The following UHRF1 variants were observed in gnomAD, a reference collection of about 807,000 sequenced individuals.
UHRF1 encodes E3 ubiquitin-protein ligase UHRF1.
In UHRF1, 9 loss-of-function variants were observed where a neutral mutation model predicts 96.5. That is an observed-to-expected ratio of 0.09 (90% CI 0.06 to 0.16). The LOEUF (loss-of-function observed/expected upper bound fraction) is 0.16, where lower values mean the gene tolerates loss of function less well. Among genes scored for constraint, UHRF1 ranks in the 10% least tolerant of loss-of-function variants. The pLI is 1.00. For synonymous variants in UHRF1, 455 were observed against 469.9 expected (o/e 0.97, Z 0.41); for missense variants, 626 against 1,131.1 (o/e 0.55, Z 6.40).
chr19:4,941,504 T>C, intron 5 of UHRF1, 24 bp from the exon 6 acceptor site: 1 of 1,596,798 alleles, frequency 6.3e-7, no homozygotes, highest in Non-Finnish European at 8.6e-7. Context: ...GGCCAGAATG[T>C]TCCAGCGTCC....
chr19:4,940,383 T>TTTTA (rs2033356250), intron 5 of UHRF1, among the ~76,000 whole-genome samples: 1 of 136,328 alleles, frequency 7.3e-6, no homozygotes, highest in Non-Finnish European at 1.5e-5. Flanking sequence ...TTTTTTTTTT[T>TTTTA]GAGATGGAGT....
Position 4,929,278 on chromosome 19 carries a change from G to A in UHRF1, c.210G>A (p.Gln70=). ...DYEVRLNDTI[Q]LLVRQSLVLP... ...AGGTCCGCCTGAATGACACCATCCAGCTCCTGGTCCGCCAGAGCCTCGTGC... is the reference window on the plus strand; with the variant it reads ...AGGTCCGCCTGAATGACACCATCCAACTCCTGGTCCGCCAGAGCCTCGTGC... Residue 70 remains glutamine, a synonymous_variant, in exon 3 of 17, where the codon CAG becomes CAA. Coordinates refer to ENST00000650932, the MANE Select transcript of UHRF1 (RefSeq NM_001048201.3). 6.2e-7 allele frequency: 1 copy of A among 1,613,926 alleles called. No individual in the cohort carries two copies. The highest frequency in any genetic ancestry group is 8.5e-7 in the Non-Finnish European group (1 of 1,179,890).
At chr19:4,945,986 G>T (rs1234455296) in intron 10 of UHRF1, 21 bp downstream of exon 10, 1 of 1,186,608 alleles carries the variant, frequency 8.4e-7, no homozygotes, top group South Asian at 1.3e-5. Context: ...GTGTGGGAGG[G>T]GTGGGGGAGG....
intron 11 of UHRF1, among the ~76,000 whole-genome samples, chr19:4,947,470 A>C (rs921815100): frequency 4.8e-5 from 7 of 147,038 alleles, no homozygotes; most frequent in African/African-American, 1.8e-4. Context: ...CTTCCCTATA[A>C]AAGGCCAGAT....
chr19:4,908,713 A>G (rs370384563), upstream of UHRF1, among the ~76,000 whole-genome samples: 2 of 152,276 alleles, frequency 1.3e-5, no homozygotes, highest in East Asian at 1.9e-4. Context: ...ATAAGGAATC[A>G]TCTGAAATTA....
intron 5 of UHRF1, among the ~76,000 whole-genome samples, chr19:4,938,151 C>T (rs1176920057): frequency 1.3e-5 from 2 of 151,790 alleles, no homozygotes; most frequent in Non-Finnish European, 2.9e-5. Context: ...AAGATTCCGT[C>T]TCGGTGGGGT....
chr19:4,911,168 G>A, intron 2 of UHRF1, 130 bp downstream of exon 2: 6 of 854,996 alleles, frequency 7.0e-6, no homozygotes, highest in Admixed American at 6.9e-5. Flanking sequence ...CATCTCTCCC[G>A]GAAGGAGAAG....
intron 5 of UHRF1, among the ~76,000 whole-genome samples, chr19:4,936,037 A>G (rs2033205439): frequency 6.6e-6 from 1 of 152,156 alleles, no homozygotes; most frequent in Non-Finnish European, 1.5e-5. Flanking sequence ...TACCTGGCCG[A>G]CCACACCTTG....
upstream of UHRF1, among the ~76,000 whole-genome samples, chr19:4,905,108 C>CTTTTTTTTTTTTTTTTTT (rs61443004): frequency 1.1e-5 from 1 of 95,192 alleles, no homozygotes; most frequent in Non-Finnish European, 2.0e-5. Context: ...CGTAAACTTT[C>CTTTTTTTTTTTTTTTTTT]TTTTTTTTTT....
intron 2 of UHRF1, among the ~76,000 whole-genome samples, chr19:4,926,700 T>G (rs262572): frequency 0.54 from 82,393 of 151,276 alleles, 23,469 homozygotes; most frequent in African/African-American, 0.67. Flanking sequence ...CAAGGTTCGA[T>G]GCTGCAGTGA....
intron 2 of UHRF1, among the ~76,000 whole-genome samples, chr19:4,915,344 T>C (rs922517155): frequency 6.6e-6 from 1 of 152,160 alleles, no homozygotes; most frequent in Non-Finnish European, 1.5e-5. Flanking sequence ...TCACCACTGC[T>C]GTTGTGGCCC....
upstream of UHRF1, chr19:4,909,260 G>A (rs2032148426): frequency 5.7e-6 from 3 of 522,540 alleles, no homozygotes; most frequent in Admixed American, 8.3e-5. Flanking sequence ...ACGTGCGGGG[G>A]GTGACCAGGC....
At chr19:4,950,130 C>T (rs963884459) in intron 11 of UHRF1, among the ~76,000 whole-genome samples, 3 of 150,684 alleles carry the variant, frequency 2.0e-5, no homozygotes, top group African/African-American at 2.5e-5. Context: ...CTTGGCCTCC[C>T]AGAGTACTGG....
At chr19:4,923,058 G>T (rs1253166474) in intron 2 of UHRF1, among the ~76,000 whole-genome samples, 1 of 152,118 alleles carries the variant, frequency 6.6e-6, no homozygotes. Flanking sequence ...GTCAGGGGCT[G>T]CCCATTAGCC....
intron 16 of UHRF1, among the ~76,000 whole-genome samples, chr19:4,958,961 C>CAA (rs750693594): frequency 2.6e-4 from 23 of 89,308 alleles, no homozygotes; most frequent in African/African-American, 3.5e-4. Context: ...GATTCTGTCT[C>CAA]AAAAAAAAAA....
At chr19:4,933,865 C>T (rs895885297) in intron 5 of UHRF1, among the ~76,000 whole-genome samples, 1 of 151,954 alleles carries the variant, frequency 6.6e-6, no homozygotes, top group African/African-American at 2.4e-5. Flanking sequence ...GTAGTTGCAA[C>T]AGAGACTATG....
chr19:4,930,451 CAG>C lies in UHRF1; in HGVS notation c.409-264_409-263del, dbSNP rs542393416. Reference sequence around the variant, plus strand: ...TGACAAATGGGCAGCTCTGGTCTCTCAGGGCCTCCCAGCAGCTGTGGCTGAAG... The same window carrying C: ...TGACAAATGGGCAGCTCTGGTCTCTCGGCCTCCCAGCAGCTGTGGCTGAAG... On this transcript the variant is annotated intron_variant, in intron 3 of 16. Coordinates refer to ENST00000650932, the MANE Select transcript of UHRF1 (RefSeq NM_001048201.3). The surrounding 1 kb of genome is among the most constrained non-coding windows in gnomAD (Gnocchi z 4.4). Among the ~76,000 whole-genome samples the C allele has an allele frequency of 7.2e-5, 11 of 152,248 alleles. No homozygotes were observed. The highest frequency in any genetic ancestry group is 1.3e-4 in the Non-Finnish European group (9 of 68,036).
intron 2 of UHRF1, among the ~76,000 whole-genome samples, chr19:4,920,347 G>A (rs113390369): frequency 0.034 from 5,223 of 152,114 alleles, 88 homozygotes; most frequent in Middle Eastern, 0.12. Context: ...CAGGAGAATC[G>A]CTTGAACCCG....
chr19:4,937,045 T>TG (rs930164478), intron 5 of UHRF1, among the ~76,000 whole-genome samples: 11 of 152,060 alleles, frequency 7.2e-5, no homozygotes, highest in Non-Finnish European at 2.9e-5. Flanking sequence ...AATTTTTTTT[T>TG]TTGTTGGAGA....
Sources: gnomAD v4.1 joint callset for allele counts (sites outside exome capture counted in the v4.1 genomes callset) on GRCh38, gnomAD v4.1.1 for gene constraint, Gnocchi (gnomAD v3.1) non-coding constraint, MANE v1.5 for transcripts, NCBI Gene and HGNC (gene_info 2026-07-23, HGNC 2026-07-21) for gene names.